Variants in RBPJ observed in about 807,000 individuals in gnomAD.
The protein encoded by RBPJ is recombination signal binding protein for immunoglobulin kappa J region.
RBPJ carries 9 observed loss-of-function variants against 67.8 expected under a neutral mutation model. The observed-to-expected ratio is 0.13, with a 90% CI of 0.08 to 0.23. The LOEUF (loss-of-function observed/expected upper bound fraction) is 0.23, where lower values mean the gene tolerates loss of function less well. Ranked by LOEUF, RBPJ falls within the 10% of genes least tolerant of loss-of-function variation. The pLI, the probability that RBPJ is intolerant of heterozygous loss-of-function variation, is 1.00. For missense variants in RBPJ, 305 were observed against 595.6 expected (o/e 0.51, Z 5.08); for synonymous variants, 198 against 203.3 (o/e 0.97, Z 0.22).
At chr4:26,193,390 G>T (rs1290643255) in intron 1 of RBPJ, among the ~76,000 whole-genome samples, 1 of 152,096 alleles carries the variant, frequency 6.6e-6, no homozygotes, top group African/African-American at 2.4e-5. Flanking sequence ...ATAAGTAAAG[G>T]TTATCCACAG....
At chr4:26,239,958 A>C in intron 1 of RBPJ, among the ~76,000 whole-genome samples, 1 of 152,188 alleles carries the variant, frequency 6.6e-6, no homozygotes, top group East Asian at 1.9e-4. Context: ...AGGATGTTTT[A>C]TAAAGAAAAT....
the RBPJ span, among the ~76,000 whole-genome samples, chr4:26,109,489 TATACACACACAC>T: frequency 8.6e-5 from 4 of 46,540 alleles, no homozygotes; most frequent in African/African-American, 1.2e-4. Flanking sequence ...TATATATATA[TATACACACACAC>T]ATATATATAT....
chr4:26,215,857 G>A (rs1577483016), intron 1 of RBPJ, among the ~76,000 whole-genome samples: 2 of 151,986 alleles, frequency 1.3e-5, no homozygotes, highest in Admixed American at 6.5e-5. Flanking sequence ...TTTGTTCAGT[G>A]CCGGGCAGCA....
chr4:26,333,752 A>G (rs1441621803), intron 1 of RBPJ, among the ~76,000 whole-genome samples: 1 of 151,910 alleles, frequency 6.6e-6, no homozygotes, highest in Admixed American at 6.6e-5. Flanking sequence ...TACAGTGGCA[A>G]AATCACAGCT....
intron 4 of RBPJ, among the ~76,000 whole-genome samples, chr4:26,417,671 A>G (rs904145567): frequency 6.6e-6 from 1 of 152,228 alleles, no homozygotes; most frequent in African/African-American, 2.4e-5. Context: ...GCATAAAGGT[A>G]TAAGAACATG....
At chr4:26,329,752 G>A (rs1361100297) in intron 1 of RBPJ, among the ~76,000 whole-genome samples, 1 of 152,058 alleles carries the variant, frequency 6.6e-6, no homozygotes, top group Admixed American at 6.6e-5. Context: ...AAATTAGCTG[G>A]GCGTGTTGGC....
At position 26,321,055 on chromosome 4, in the gene RBPJ, CTG is replaced by C; in HGVS notation, c.20+8_20+9del. On this transcript the variant is annotated splice_region_variant and intron_variant, in intron 1 of 10. Coordinates refer to ENST00000355476, the MANE Select transcript of RBPJ (RefSeq NM_015874.6). ...TGGCGCCTGTTGTGACAGGGTAAGT[CTG>C]AGGGAATCGGAGCGCCGGGAACCGG... 1 of 1,603,488 alleles carries C rather than the reference CTG, an allele frequency of 6.2e-7. No individual in the cohort carries two copies. Among genetic ancestry groups the C allele is most frequent in the African/African-American group, 1.3e-5 (1 of 74,654 alleles).
At chr4:26,228,860 C>A (rs1293987554) in intron 1 of RBPJ, among the ~76,000 whole-genome samples, 2 of 152,200 alleles carry the variant, frequency 1.3e-5, no homozygotes, top group Non-Finnish European at 2.9e-5. Flanking sequence ...GGTACAGAAA[C>A]TCTCTGTTAC....
rs1306968315 is a variant in RBPJ, at chr4:26,337,650, CCTTGTGAAATATATA to C, written c.20+16606_20+16620del. ...TGAGGTTATTGGCCATTTGTATTTT[CCTTGTGAAATATATA>C]CTTATAATTCTTTATCCTTTTTTTT... On this transcript the variant is annotated intron_variant, in intron 1 of 10. Transcript: ENST00000355476. 2.0e-5 allele frequency among the ~76,000 whole-genome samples: 3 copies of C among 147,524 alleles called. No homozygotes were observed. In the East Asian group the frequency reaches 5.9e-4, roughly 29 times the overall value.
Position 26,255,214 on chromosome 4 carries a change from C to T in RBPJ, c.-167+91600C>T, listed in dbSNP as rs188152880. 2.8e-3 allele frequency among the ~76,000 whole-genome samples: 392 copies of T among 141,058 alleles called. 6 individuals are homozygous for T. The highest frequency in any genetic ancestry group is 0.01 in the African/African-American group (373 of 36,872). 92.5% of individuals were successfully genotyped at this position (141,058 alleles called of 152,430 possible). A position where few individuals can be genotyped will look rare whatever the true frequency, so the allele number is the denominator to read the frequency against. ...GGTCAGGAGATCGGGACCATCCTGG[C>T]TAACACGGTGAGACCCCGTCTCTAC... On this transcript the variant is annotated intron_variant, in intron 1 of 4. Transcript: ENST00000512351.
At chr4:26,275,377 T>C (rs1721044401) in intron 1 of RBPJ, among the ~76,000 whole-genome samples, 1 of 152,112 alleles carries the variant, frequency 6.6e-6, no homozygotes, top group Non-Finnish European at 1.5e-5. Flanking sequence ...ACTGTTTTCC[T>C]AGGAAGATAA....
chr4:26,415,661 C>T (rs747281648), intron 4 of RBPJ, 21 bp downstream of exon 4: 2 of 1,584,228 alleles, frequency 1.3e-6, no homozygotes, highest in African/African-American at 1.4e-5. Context: ...ACTGCTAGTT[C>T]ACCAGAAAGG....
intron 1 of RBPJ, among the ~76,000 whole-genome samples, chr4:26,280,182 G>A (rs527873607): frequency 2.9e-4 from 44 of 151,740 alleles, no homozygotes; most frequent in South Asian, 2.1e-3. Flanking sequence ...ATCACTTGAG[G>A]TCAGGAGTTG....
intron 5 of RBPJ, 90 bp downstream of exon 5, chr4:26,420,815 C>A: frequency 1.0e-6 from 1 of 1,002,798 alleles, no homozygotes; most frequent in Non-Finnish European, 1.4e-6. Flanking sequence ...TTTTCAATAG[C>A]CAATTAATTC....
Position 26,235,292 on chromosome 4 carries a change from T to TA in RBPJ, c.-167+71680dup, listed in dbSNP as rs149408270. On this transcript the variant is annotated intron_variant, in intron 1 of 4. Transcript: ENST00000512351. Reference sequence around the variant, plus strand: ...CAAAACAAATTGATTTGATCAAACATAATGATTACAACGTAGGTTTTGAGT... The same window carrying TA: ...CAAAACAAATTGATTTGATCAAACATAAATGATTACAACGTAGGTTTTGAGT... Among the ~76,000 whole-genome samples, 44 of 152,332 alleles carry TA rather than the reference T, an allele frequency of 2.9e-4. No homozygotes were observed. The East Asian group carries it at 7.9e-3, about 27-fold the overall frequency.
the RBPJ span, chr4:26,111,946 G>GCT: frequency 4.7e-6 from 1 of 214,428 alleles, no homozygotes; most frequent in Non-Finnish European, 1.0e-5. Flanking sequence ...GCTGGATCCT[G>GCT]CTCAGAAGAT....
intron 3 of RBPJ, among the ~76,000 whole-genome samples, chr4:26,409,191 G>A (rs1461731187): frequency 2.6e-5 from 4 of 152,182 alleles, no homozygotes; most frequent in Admixed American, 2.6e-4. Context: ...TATAACTGAG[G>A]CCCGTTGGAG....
chr4:26,187,061 A>G (rs1275806691), intron 1 of RBPJ, among the ~76,000 whole-genome samples: 2 of 151,980 alleles, frequency 1.3e-5, no homozygotes, highest in African/African-American at 4.8e-5. Context: ...CCTCTACAAA[A>G]CACACAAAAA....
intron 1 of RBPJ, among the ~76,000 whole-genome samples, chr4:26,335,642 C>T (rs1358339605): frequency 7.4e-6 from 1 of 135,488 alleles, no homozygotes; most frequent in East Asian, 2.2e-4. Context: ...TTTTTTGAGC[C>T]GGAGTCTGGC....
Sources: gnomAD v4.1 joint callset for allele counts (sites outside exome capture counted in the v4.1 genomes callset) on GRCh38, gnomAD v4.1.1 for gene constraint, MANE v1.5 for transcripts, NCBI Gene and HGNC (gene_info 2026-07-23, HGNC 2026-07-21) for gene names.